Variants in REV1 observed in about 807,000 individuals in gnomAD.
REV1 encodes REV1 DNA directed polymerase.
Under a neutral mutation model 137.4 loss-of-function variants are expected in REV1, and 42 were observed. That is an observed-to-expected ratio of 0.31 (90% CI 0.24 to 0.40). REV1 has a LOEUF of 0.40. Among genes scored for constraint, REV1 ranks in the 10% least tolerant of loss-of-function variants. The pLI, the probability that REV1 is intolerant of heterozygous loss-of-function variation, is 1.00. For synonymous variants in REV1, 524 were observed against 519.2 expected, an observed-to-expected ratio of 1.01 and a Z score of -0.12; for missense variants, 1,282 against 1,490.1, an observed-to-expected ratio of 0.86 and a Z score of 2.30.
At chr2:99,462,709 A>G (rs1328269064) in intron 2 of REV1, 87 bp from the exon 3 acceptor site, 1 of 1,320,318 alleles carries the variant, frequency 7.6e-7, no homozygotes, top group African/African-American at 1.5e-5. Context: ...AAACTAAATA[A>G]ATAAATGGAC....
At chr2:99,454,141 A>C (rs1309334193) in intron 3 of REV1, among the ~76,000 whole-genome samples, 4 of 151,370 alleles carry the variant, frequency 2.6e-5, no homozygotes, top group African/African-American at 4.9e-5. Flanking sequence ...TGTAATTTGA[A>C]AGATTTGGGA....
At chr2:99,412,204 C>T in intron 13 of REV1, among the ~76,000 whole-genome samples, 1 of 145,862 alleles carries the variant, frequency 6.9e-6, no homozygotes, top group Non-Finnish European at 1.5e-5. Context: ...CTGCACTCCA[C>T]CCTGGGCAAC....
intron 1 of REV1, among the ~76,000 whole-genome samples, chr2:99,466,522 A>G (rs528177765): frequency 3.3e-4 from 50 of 152,166 alleles, no homozygotes; most frequent in Non-Finnish European, 6.9e-4. Flanking sequence ...GATTACAGGC[A>G]TGAGCCACCA....
chr2:99,438,701 A>C lies in REV1; in HGVS notation c.1113T>G (p.Phe371Leu), dbSNP rs1681079759. Residue 371 changes from phenylalanine (F) to leucine (L), a missense_variant, in exon 6 of 23, where the codon TTT becomes TTG. Phe to Leu is a conservative substitution (Grantham distance 22). Transcript: ENST00000258428. ...TACTTTGTCTTTGTAGGGTATTGAC[A>C]AACTCAGTCAATTCACACTTCCACA... is the stretch of plus-strand genomic sequence containing the variant. ...ISMWKCELTE[F>L]VNTLQRQSNG... The C allele has an allele frequency of 1.9e-6, 3 of 1,613,918 alleles. No homozygotes were observed. Among genetic ancestry groups the C allele is most frequent in the Non-Finnish European group, 2.5e-6 (3 of 1,179,754 alleles).
intron 3 of REV1, among the ~76,000 whole-genome samples, chr2:99,461,325 T>C (rs28369953): frequency 2.2e-4 from 34 of 152,354 alleles, no homozygotes; most frequent in African/African-American, 7.2e-4. Flanking sequence ...CCAGTCACTG[T>C]AGAGGCACTA....
chr2:99,408,829 G>C (rs1676701792), intron 14 of REV1, among the ~76,000 whole-genome samples: 1 of 152,190 alleles, frequency 6.6e-6, no homozygotes, highest in South Asian at 2.1e-4. Flanking sequence ...CTTTCCAAAG[G>C]AAAGTTATTT....
intron 7 of REV1, 71 bp downstream of exon 7, chr2:99,435,763 T>C: frequency 1.2e-6 from 1 of 800,308 alleles, no homozygotes; most frequent in Non-Finnish European, 1.9e-6. Flanking sequence ...AAAAAAAGAT[T>C]TTGTAATCTC....
chr2:99,444,777 T>A (rs1442313883), intron 4 of REV1, among the ~76,000 whole-genome samples: 1 of 152,216 alleles, frequency 6.6e-6, no homozygotes, highest in Non-Finnish European at 1.5e-5. Flanking sequence ...AGAAACATTA[T>A]CTGAAAGCAT....
intron 12 of REV1, 92 bp downstream of exon 12, chr2:99,418,736 G>T: frequency 8.2e-7 from 1 of 1,214,052 alleles, no homozygotes; most frequent in Non-Finnish European, 1.1e-6. Context: ...ATTCATGTCT[G>T]GGCAAAAAGA....
At chr2:99,479,133 C>T (rs1416724009) in intron 1 of REV1, among the ~76,000 whole-genome samples, 1 of 151,672 alleles carries the variant, frequency 6.6e-6, no homozygotes, top group Non-Finnish European at 1.5e-5. Flanking sequence ...ATCGAGACCA[C>T]ACTGGCCAAC....
chr2:99,462,770 C>T (rs1326224162), intron 2 of REV1, 148 bp from the exon 3 acceptor site: 6 of 778,098 alleles, frequency 7.7e-6, no homozygotes, highest in Admixed American at 2.9e-5. Context: ...TAAACATAAA[C>T]CATAAGGCAA....
At chr2:99,421,178 T>C (rs1013368015) in intron 11 of REV1, among the ~76,000 whole-genome samples, 2 of 152,000 alleles carry the variant, frequency 1.3e-5, no homozygotes, top group Non-Finnish European at 2.9e-5. Context: ...AACACGCAAC[T>C]CTAAACCCAT....
intron 1 of REV1, among the ~76,000 whole-genome samples, chr2:99,471,540 C>T (rs1424589232): frequency 6.6e-6 from 1 of 151,846 alleles, no homozygotes; most frequent in Non-Finnish European, 1.5e-5. Flanking sequence ...GAAAATGTAA[C>T]AGAAAAAAAC....
rs567547381 is a variant in REV1, at chr2:99,411,956, G to T, written c.2172+775C>A. Among the ~76,000 whole-genome samples, 7 of 151,724 alleles carry T rather than the reference G, an allele frequency of 4.6e-5. No individual in the cohort carries two copies. In the East Asian group the frequency reaches 1.4e-3, roughly 30 times the overall value. Reference sequence around the variant, plus strand: ...ATACAAATTCAAGACATATCCAGCCGGGCGCAGTGGCTCACATCTGTAATC... The same window carrying T: ...ATACAAATTCAAGACATATCCAGCCTGGCGCAGTGGCTCACATCTGTAATC... On this transcript the variant is annotated intron_variant, in intron 13 of 22. Coordinates refer to ENST00000258428, the MANE Select transcript of REV1 (RefSeq NM_016316.4).
At chr2:99,474,827 G>T (rs758401698) in intron 1 of REV1, among the ~76,000 whole-genome samples, 18 of 152,010 alleles carry the variant, frequency 1.2e-4, no homozygotes, top group Non-Finnish European at 2.4e-4. Context: ...ACTTGAACGC[G>T]GTAGGCAGAG....
rs779212144 is a variant in REV1, at chr2:99,439,348, A to C, written c.504-38T>G. 4 of 1,431,178 alleles carry C rather than the reference A, an allele frequency of 2.8e-6. No homozygotes were observed. In the African/African-American group the frequency reaches 4.3e-5, roughly 15 times the overall value. The allele number at this position is 1,431,178 out of a possible 1,614,324, so 88.7% of individuals were successfully genotyped here. ...AAAATTTTTGAGTTAATAATATCTG[A>C]CTTTTAGGTTAAAACAATTTTTTCA... On this transcript the variant is annotated intron_variant, in intron 5 of 22. Transcript: ENST00000258428.
At chr2:99,418,739 C>T in intron 12 of REV1, 89 bp downstream of exon 12, 1 of 1,243,038 alleles carries the variant, frequency 8.0e-7, no homozygotes, top group Non-Finnish European at 1.1e-6. Context: ...CATGTCTGGG[C>T]AAAAAGAGGT....
chr2:99,426,605 A>AG (rs1679407754), intron 9 of REV1, among the ~76,000 whole-genome samples: 1 of 152,170 alleles, frequency 6.6e-6, no homozygotes, highest in Non-Finnish European at 1.5e-5. Flanking sequence ...TGCCATACTA[A>AG]GGGAAGCCAA....
intron 3 of REV1, among the ~76,000 whole-genome samples, chr2:99,458,635 T>G (rs990037304): frequency 1.1e-4 from 17 of 152,204 alleles, no homozygotes; most frequent in African/African-American, 4.1e-4. Context: ...AAGAAATAAC[T>G]GTGATGTCCC....
Sources: allele counts gnomAD v4.1 joint callset (sites outside exome capture counted in the v4.1 genomes callset), GRCh38; gene constraint gnomAD v4.1.1; transcripts MANE v1.5; gene names NCBI Gene and HGNC (gene_info 2026-07-23, HGNC 2026-07-21).